Variants in ACACA observed in about 807,000 individuals in gnomAD.
ACACA encodes the protein acetyl-CoA carboxylase 1.
ACACA carries 103 observed loss-of-function variants against 296.1 expected under a neutral mutation model. The ratio of observed to expected loss-of-function variants is 0.35; its 90% confidence interval spans 0.30 to 0.41. ACACA has a LOEUF of 0.41. Among genes scored for constraint, ACACA ranks in the 10% least tolerant of loss-of-function variants. The pLI is 1.00. For missense variants in ACACA, 1,554 were observed against 2,989.7 expected, an observed-to-expected ratio of 0.52 and a Z score of 11.20; for synonymous variants, 953 against 1,038.6, an observed-to-expected ratio of 0.92 and a Z score of 1.58.
chr17:37,258,186 T>A, intron 13 of ACACA, 26 bp downstream of exon 13: 1 of 1,608,594 alleles, frequency 6.2e-7, no homozygotes, highest in East Asian at 2.2e-5. Flanking sequence ...TAAAAGGAGG[T>A]ATAAACCTTT....
At chr17:37,364,642 C>T (rs1470210835) in intron 1 of ACACA, among the ~76,000 whole-genome samples, 1 of 140,320 alleles carries the variant, frequency 7.1e-6, no homozygotes, top group Non-Finnish European at 1.6e-5. Context: ...AAGAGCCCCC[C>T]CTGTCCTGGG....
intron 20 of ACACA, 90 bp downstream of exon 20, chr17:37,244,990 G>T: frequency 6.3e-7 from 1 of 1,580,302 alleles, no homozygotes; most frequent in Admixed American, 1.7e-5. Flanking sequence ...AGAAAACACT[G>T]GCAAACCAAG....
intron 15 of ACACA, 102 bp from the exon 16 acceptor site, chr17:37,252,210 A>C (rs1200239178): frequency 1.1e-6 from 1 of 902,118 alleles, no homozygotes; most frequent in African/African-American, 1.6e-5. Flanking sequence ...AACAGCTAGC[A>C]ATGAAAATCT....
At chr17:37,111,688 TTAAAG>T in intron 51 of ACACA, 45 bp from the exon 52 acceptor site, 1 of 1,434,498 alleles carries the variant, frequency 7.0e-7, no homozygotes, top group Non-Finnish European at 9.8e-7. Flanking sequence ...TAGAGGCACT[TTAAAG>T]GAAGGAGACA....
chr17:37,155,655 C>T (rs2076211969), intron 43 of ACACA, 28 bp downstream of exon 43: 1 of 1,496,976 alleles, frequency 6.7e-7, no homozygotes, highest in South Asian at 1.1e-5. Flanking sequence ...TAGTCATGAC[C>T]AAATTATTCC....
intron 23 of ACACA, 149 bp downstream of exon 23, chr17:37,241,804 T>C (rs2080423370): frequency 4.5e-6 from 3 of 674,060 alleles, no homozygotes; most frequent in Admixed American, 4.6e-5. Flanking sequence ...AATTCTAAGA[T>C]ATTTAGAAAA....
chr17:37,263,192 G>T (rs2081594105), intron 11 of ACACA, among the ~76,000 whole-genome samples: 1 of 152,142 alleles, frequency 6.6e-6, no homozygotes, highest in Non-Finnish European at 1.5e-5. Flanking sequence ...CTATGTTCAG[G>T]CCTCTAAACT....
intron 26 of ACACA, 49 bp downstream of exon 26, chr17:37,226,290 G>C (rs759041799): frequency 7.2e-7 from 1 of 1,391,760 alleles, no homozygotes; most frequent in East Asian, 2.3e-5. Flanking sequence ...AGGACTGCCT[G>C]ATCTATGAAA....
intron 1 of ACACA, chr17:37,366,801 C>T (rs1314967686): frequency 1.3e-5 from 2 of 151,850 alleles, no homozygotes; most frequent in Non-Finnish European, 2.9e-5. Flanking sequence ...AAAATCTCAC[C>T]TCTGGGCCAG....
At chr17:37,233,876 T>C (rs2079981734) in intron 25 of ACACA, among the ~76,000 whole-genome samples, 1 of 152,164 alleles carries the variant, frequency 6.6e-6, no homozygotes, top group Admixed American at 6.5e-5. Flanking sequence ...ACCATCTAGC[T>C]ATTCTAGGGT....
intron 3 of ACACA, among the ~76,000 whole-genome samples, chr17:37,308,436 C>A (rs2083982788): frequency 6.6e-6 from 1 of 151,860 alleles, no homozygotes; most frequent in Admixed American, 6.6e-5. Flanking sequence ...ATGCTAATTG[C>A]CAATATCAGG....
chr17:37,196,332 A>G (rs138267175), intron 35 of ACACA, among the ~76,000 whole-genome samples: 7 of 152,236 alleles, frequency 4.6e-5, no homozygotes, highest in Non-Finnish European at 8.8e-5. Flanking sequence ...AACTGCTCAT[A>G]TAGTGAGCTC....
At chr17:37,230,023 T>G (rs1247468568) in intron 25 of ACACA, among the ~76,000 whole-genome samples, 1 of 151,798 alleles carries the variant, frequency 6.6e-6, no homozygotes, top group Non-Finnish European at 1.5e-5. Flanking sequence ...ATTGCGTCAT[T>G]GCACTACAGC....
chr17:37,334,539 C>T (rs2048023948), intron 2 of ACACA, among the ~76,000 whole-genome samples: 2 of 149,808 alleles, frequency 1.3e-5, no homozygotes, highest in South Asian at 4.2e-4. Flanking sequence ...CAAGTCAAAC[C>T]CTGGATACTG....
intron 52 of ACACA, among the ~76,000 whole-genome samples, chr17:37,099,713 A>G (rs1340904812): frequency 6.6e-6 from 1 of 152,026 alleles, no homozygotes; most frequent in East Asian, 1.9e-4. Context: ...TGAGGGATGG[A>G]GGGCTGGCTG....
chr17:37,132,209 T>C (rs2143519928), intron 45 of ACACA, among the ~76,000 whole-genome samples: 1 of 152,362 alleles, frequency 6.6e-6, no homozygotes, highest in South Asian at 2.1e-4. Context: ...TTGTTATTTT[T>C]ATGGCTTTAG....
chr17:37,371,359 T>C (rs1187627456), intron 1 of ACACA, among the ~76,000 whole-genome samples: 1 of 151,750 alleles, frequency 6.6e-6, no homozygotes, highest in Non-Finnish European at 1.5e-5. Context: ...GATACACGCA[T>C]GAGCCACGAC....
chr17:37,093,735 C>T (rs1204251841), intron 54 of ACACA, among the ~76,000 whole-genome samples: 2 of 152,122 alleles, frequency 1.3e-5, no homozygotes, highest in African/African-American at 4.8e-5. Context: ...TGGCCTCAAG[C>T]GATCCTCCCA....
At chr17:37,211,957 A>G (rs1567820979) in intron 29 of ACACA, among the ~76,000 whole-genome samples, 2 of 152,190 alleles carry the variant, frequency 1.3e-5, no homozygotes, top group Non-Finnish European at 2.9e-5. Flanking sequence ...GGCCTCAACA[A>G]TACAGAAAAA....
Sources: gnomAD v4.1 joint callset for allele counts (sites outside exome capture counted in the v4.1 genomes callset) on GRCh38, gnomAD v4.1.1 for gene constraint, MANE v1.5 for transcripts, NCBI Gene and HGNC (gene_info 2026-07-23, HGNC 2026-07-21) for gene names.